SRD5A2: variants seen among roughly 807,000 people sequenced by gnomAD.
The protein encoded by SRD5A2 is 3-oxo-5-alpha-steroid 4-dehydrogenase 2.
Under a neutral mutation model 27.4 loss-of-function variants are expected in SRD5A2, and 30 were observed. The ratio of observed to expected loss-of-function variants is 1.10; its 90% CI spans 0.82 to 1.49. The LOEUF is 1.49. Ranked by LOEUF, SRD5A2 falls within the 40% of genes most tolerant of loss-of-function variation. The pLI is 0.00. For missense variants in SRD5A2, 348 were observed against 323.4 expected, an observed-to-expected ratio of 1.08 and a Z score of -0.58; for synonymous variants, 141 against 133.6, an observed-to-expected ratio of 1.06 and a Z score of -0.38.
At position 31,525,112 on chromosome 2, in the gene SRD5A2, T is replaced by A. The variant is rs1460587699; in HGVS notation, c.*1084A>T. The A allele has an allele frequency of 4.6e-6, 1 of 219,042 alleles. No individual in the cohort carries two copies. Among genetic ancestry groups the A allele is most frequent in the African/African-American group, 2.2e-5 (1 of 44,538 alleles). 13.6% of individuals were successfully genotyped at this position (219,042 alleles called of 1,614,324 possible). A position where few individuals can be genotyped will look rare whatever the true frequency, so the allele number is the denominator to read the frequency against. On this transcript the variant is annotated 3_prime_UTR_variant, in exon 5 of 5. Coordinates refer to ENST00000622030, the MANE Select transcript of SRD5A2 (RefSeq NM_000348.4). ...TTCTGCCCAGACGTGCCCCTCTGTC[T>A]GCAATTTTCAGTCTCTGCCTGCAGG...
chr2:31,522,733 A>T lies in SRD5A2; in HGVS notation c.*3463T>A, dbSNP rs537127270. On this transcript the variant is annotated 3_prime_UTR_variant, in exon 5 of 5. Transcript: ENST00000622030. ...TTCATCATAGGATAGTGTAGATGCT[A>T]TAAAATAATCAGCATCCTTCTCCAG... 4 of 222,474 alleles carry T rather than the reference A, an allele frequency of 1.8e-5. No homozygotes were observed. In the South Asian group the frequency reaches 7.4e-4, roughly 41 times the overall value. 13.8% of individuals were successfully genotyped at this position (222,474 alleles called of 1,614,324 possible). A position where few individuals can be genotyped will look rare whatever the true frequency, so the allele number is the denominator to read the frequency against.
chr2:31,625,952 A>C, the SRD5A2 span, among the ~76,000 whole-genome samples: 1 of 152,206 alleles, frequency 6.6e-6, no homozygotes, highest in African/African-American at 2.4e-5. Context: ...TACCTTGGGC[A>C]CTATGGCCAT....
chr2:31,584,682 G>T (rs932285870), upstream of SRD5A2, among the ~76,000 whole-genome samples: 21 of 152,124 alleles, frequency 1.4e-4, no homozygotes, highest in Admixed American at 8.5e-4. Context: ...TTTTATTATA[G>T]CAAAAATATC....
At chr2:31,552,901 A>G (rs1666409510) in intron 1 of SRD5A2, among the ~76,000 whole-genome samples, 1 of 152,210 alleles carries the variant, frequency 6.6e-6, no homozygotes, top group South Asian at 2.1e-4. Context: ...ATCAAAGGAA[A>G]AAACAAATCT....
upstream of SRD5A2, among the ~76,000 whole-genome samples, chr2:31,585,252 G>C (rs1197110217): frequency 1.3e-5 from 2 of 152,196 alleles, no homozygotes; most frequent in South Asian, 2.1e-4. Flanking sequence ...TCTTAGACAA[G>C]TCCTAGTACT....
At chr2:31,557,526 G>C (rs1666524668) in intron 1 of SRD5A2, among the ~76,000 whole-genome samples, 1 of 151,990 alleles carries the variant, frequency 6.6e-6, no homozygotes, top group Non-Finnish European at 1.5e-5. Flanking sequence ...TTATACCATA[G>C]GAAAAACTCA....
rs1343010674 is a variant in SRD5A2, at chr2:31,524,947, G to A, written c.*1249C>T. On this transcript the variant is annotated 3_prime_UTR_variant, in exon 5 of 5. Transcript: ENST00000622030. ...GTTCCAGTTCTGGTGTGGAAATGTGGGCTCTGTATGTTCAGATCCTCCAAC... is the reference window on the plus strand; with the variant it reads ...GTTCCAGTTCTGGTGTGGAAATGTGAGCTCTGTATGTTCAGATCCTCCAAC... 5 of 224,572 alleles carry A rather than the reference G, an allele frequency of 2.2e-5. No homozygotes were observed. The highest frequency in any genetic ancestry group is 3.5e-5 in the Non-Finnish European group (4 of 112,714). The allele number at this position is 224,572 out of a possible 1,614,324, so 13.9% of individuals were successfully genotyped here.
At chr2:31,598,930 C>G in the SRD5A2 span, among the ~76,000 whole-genome samples, 1 of 151,952 alleles carries the variant, frequency 6.6e-6, no homozygotes, top group Non-Finnish European at 1.5e-5. Context: ...AAGAAACACA[C>G]TTCACCTATA....
At chr2:31,656,818 T>C in the SRD5A2 span, among the ~76,000 whole-genome samples, 1 of 152,162 alleles carries the variant, frequency 6.6e-6, no homozygotes, top group Non-Finnish European at 1.5e-5. Context: ...ACTAAGGTGG[T>C]CATATTGATA....
At chr2:31,554,480 T>C (rs940939817) in intron 1 of SRD5A2, among the ~76,000 whole-genome samples, 2 of 152,166 alleles carry the variant, frequency 1.3e-5, no homozygotes, top group East Asian at 3.9e-4. Flanking sequence ...AATATGGACA[T>C]TCCCTGTGGT....
chr2:31,660,701 TA>T, the SRD5A2 span, among the ~76,000 whole-genome samples: 2 of 152,142 alleles, frequency 1.3e-5, no homozygotes, highest in South Asian at 2.1e-4. Context: ...AAAAATTAAG[TA>T]AAAAATATGC....
the SRD5A2 span, among the ~76,000 whole-genome samples, chr2:31,610,279 A>G: frequency 1.3e-5 from 2 of 152,276 alleles, no homozygotes; most frequent in African/African-American, 4.8e-5. Context: ...AACAACCAAA[A>G]AAAAGCTAGC....
the SRD5A2 span, among the ~76,000 whole-genome samples, chr2:31,658,563 A>AT: frequency 6.6e-6 from 1 of 151,988 alleles, no homozygotes; most frequent in Non-Finnish European, 1.5e-5. Flanking sequence ...AAATAAAAAA[A>AT]AAAAATCCTC....
At chr2:31,550,283 T>A (rs765882623) in intron 1 of SRD5A2, among the ~76,000 whole-genome samples, 5 of 151,996 alleles carry the variant, frequency 3.3e-5, no homozygotes, top group Non-Finnish European at 7.4e-5. Flanking sequence ...TCCAGATGGC[T>A]TTACTGCAGA....
rs369510956 is a variant in SRD5A2 at position 31,522,524 on chromosome 2, C to T, written c.*3672G>A. On this transcript the variant is annotated 3_prime_UTR_variant, in exon 5 of 5. Transcript: ENST00000622030. ...TCTCCAGTTATTTATTTTATTCATC[C>T]AAATCTCAAGCTAAGGTTGATGGGG... The T allele has an allele frequency of 5.2e-5, 10 of 194,086 alleles. No individual in the cohort carries two copies. In the East Asian group the frequency reaches 7.3e-4, roughly 14 times the overall value. 12.0% of individuals were successfully genotyped at this position (194,086 alleles called of 1,614,324 possible).
At chr2:31,530,394 G>T (rs533450179) in intron 3 of SRD5A2, among the ~76,000 whole-genome samples, 22 of 152,262 alleles carry the variant, frequency 1.4e-4, no homozygotes, top group Admixed American at 9.8e-4. Flanking sequence ...GACTGCGTCA[G>T]TGGTTCCCAA....
chr2:31,556,488 A>G (rs776331376), intron 1 of SRD5A2, among the ~76,000 whole-genome samples: 4 of 152,386 alleles, frequency 2.6e-5, no homozygotes, highest in Non-Finnish European at 4.4e-5. Flanking sequence ...CTCATCCTGT[A>G]TAATCCACGT....
the SRD5A2 span, among the ~76,000 whole-genome samples, chr2:31,601,942 G>A: frequency 2.0e-5 from 3 of 151,992 alleles, no homozygotes; most frequent in African/African-American, 7.2e-5. Context: ...CAAATCCACA[G>A]CCAATATCAT....
At chr2:31,575,471 C>G (rs1357118107) in intron 1 of SRD5A2, among the ~76,000 whole-genome samples, 4 of 152,088 alleles carry the variant, frequency 2.6e-5, no homozygotes, top group African/African-American at 4.8e-5. Context: ...TTATGAAAGC[C>G]CAAAGAACAG....
Sources: allele counts gnomAD v4.1 joint callset (sites outside exome capture counted in the v4.1 genomes callset), GRCh38; gene constraint gnomAD v4.1.1; transcripts MANE v1.5; gene names NCBI Gene and HGNC (gene_info 2026-07-23, HGNC 2026-07-21).